IMMP2L: variants seen among roughly 807,000 people sequenced by gnomAD.
The protein encoded by IMMP2L is mitochondrial inner membrane protease subunit 2.
A neutral mutation model predicts 19.3 loss-of-function variants in IMMP2L; 18 were observed. The ratio of observed to expected loss-of-function variants is 0.93; its 90% CI spans 0.64 to 1.38. The LOEUF (loss-of-function observed/expected upper bound fraction) is 1.38, where lower values mean the gene tolerates loss of function less well. IMMP2L is among the 40% of genes most tolerant of loss of function. The pLI, the probability that IMMP2L is intolerant of heterozygous loss-of-function variation, is 0.00. For synonymous variants in IMMP2L, 76 were observed against 73.0 expected (o/e 1.04, Z -0.21); for missense variants, 233 against 218.2 (o/e 1.07, Z -0.43).
chr7:111,412,423 G>A (rs1425913087), intron 3 of IMMP2L, among the ~76,000 whole-genome samples: 1 of 151,718 alleles, frequency 6.6e-6, no homozygotes, highest in African/African-American at 2.4e-5. Flanking sequence ...TAAAAAAATG[G>A]ATTGAAATCA....
At chr7:111,347,481 C>T (rs1016013290) in intron 3 of IMMP2L, among the ~76,000 whole-genome samples, 13 of 152,002 alleles carry the variant, frequency 8.6e-5, no homozygotes, top group Non-Finnish European at 1.6e-4. Flanking sequence ...TACCCTAACT[C>T]CTGACCTGAC....
At chr7:111,116,971 G>A (rs907648934) in intron 3 of IMMP2L, among the ~76,000 whole-genome samples, 8 of 152,112 alleles carry the variant, frequency 5.3e-5, no homozygotes, top group Non-Finnish European at 1.0e-4. Context: ...TGCTCTAATC[G>A]AGGCAATTTA....
chr7:111,551,009 C>T (rs1430204957), intron 1 of IMMP2L, among the ~76,000 whole-genome samples: 2 of 152,088 alleles, frequency 1.3e-5, no homozygotes, highest in Admixed American at 1.3e-4. Context: ...TATTGGTTTA[C>T]ATAATGGGAA....
chr7:111,009,954 G>A (rs1824756443), intron 3 of IMMP2L, among the ~76,000 whole-genome samples: 1 of 152,064 alleles, frequency 6.6e-6, no homozygotes, highest in African/African-American at 2.4e-5. Context: ...ATTTACACAG[G>A]AAATTAAGAA....
chr7:110,746,771 A>G (rs1319132118), intron 5 of IMMP2L, among the ~76,000 whole-genome samples: 1 of 152,214 alleles, frequency 6.6e-6, no homozygotes, highest in Non-Finnish European at 1.5e-5. Flanking sequence ...AGGGAAATTT[A>G]TAGCACTAAA....
intron 3 of IMMP2L, among the ~76,000 whole-genome samples, chr7:111,227,855 A>T (rs560630585): frequency 7.2e-5 from 11 of 152,172 alleles, no homozygotes; most frequent in Non-Finnish European, 1.3e-4. Context: ...TTTAAAGTTA[A>T]TCCAGAGTGG....
At chr7:111,446,809 A>C (rs1838508060) in intron 3 of IMMP2L, among the ~76,000 whole-genome samples, 1 of 151,884 alleles carries the variant, frequency 6.6e-6, no homozygotes, top group Non-Finnish European at 1.5e-5. Context: ...AAAACTTTGA[A>C]AAAAATTTAG....
rs554325320 is a variant in IMMP2L, at chr7:110,891,353, T to C, written c.306-4658A>G. ...TCTCTTGAGAATCCACCTTCCGCTCTCAAGTGAAACTAAGGTTCGAATTCA... is the reference window on the plus strand; with the variant it reads ...TCTCTTGAGAATCCACCTTCCGCTCCCAAGTGAAACTAAGGTTCGAATTCA... On this transcript the variant is annotated intron_variant, in intron 4 of 5. Coordinates refer to ENST00000405709, the MANE Select transcript of IMMP2L (RefSeq NM_032549.4). 3.3e-5 allele frequency among the ~76,000 whole-genome samples: 5 copies of C among 152,306 alleles called. 1 individual carries two copies. The highest frequency in any genetic ancestry group is 7.4e-5 in the Non-Finnish European group (5 of 68,018).
chr7:111,052,760 A>G (rs768354648), intron 3 of IMMP2L, among the ~76,000 whole-genome samples: 1 of 152,146 alleles, frequency 6.6e-6, no homozygotes, highest in Admixed American at 6.6e-5. Context: ...GGTCACTAGT[A>G]TCAATAGTAA....
chr7:111,238,891 A>G (rs1814658462), intron 3 of IMMP2L, among the ~76,000 whole-genome samples: 1 of 151,954 alleles, frequency 6.6e-6, no homozygotes, highest in Non-Finnish European at 1.5e-5. Flanking sequence ...TAATTTTCAC[A>G]ACTGTAAGAC....
chr7:110,722,337 C>T (rs73714329), intron 5 of IMMP2L, among the ~76,000 whole-genome samples: 3,342 of 151,994 alleles, frequency 0.022, 121 homozygotes, highest in African/African-American at 0.076. Context: ...TTATCTCATT[C>T]AATTCTCGAA....
At chr7:111,263,785 T>A (rs926429833) in intron 3 of IMMP2L, among the ~76,000 whole-genome samples, 16 of 152,048 alleles carry the variant, frequency 1.1e-4, no homozygotes, top group Non-Finnish European at 1.5e-5. Flanking sequence ...CTAGGGAAAT[T>A]AGTGAAACAC....
intron 3 of IMMP2L, among the ~76,000 whole-genome samples, chr7:111,427,915 T>C (rs1348235723): frequency 6.6e-6 from 1 of 151,864 alleles, no homozygotes; most frequent in Non-Finnish European, 1.5e-5. Flanking sequence ...CACATTGGAC[T>C]TAAGATATAG....
At chr7:111,282,934 A>C (rs1053125699) in intron 3 of IMMP2L, among the ~76,000 whole-genome samples, 2 of 152,154 alleles carry the variant, frequency 1.3e-5, no homozygotes, top group Non-Finnish European at 2.9e-5. Flanking sequence ...CAGAAGATCA[A>C]CAAGGAAACA....
intron 5 of IMMP2L, among the ~76,000 whole-genome samples, chr7:110,730,319 G>C (rs1441425263): frequency 2.0e-5 from 3 of 152,068 alleles, no homozygotes; most frequent in Admixed American, 1.3e-4. Flanking sequence ...GAGCAGACTC[G>C]CTGAGTCTCC....
At chr7:110,828,766 A>G (rs1260722223) in intron 5 of IMMP2L, among the ~76,000 whole-genome samples, 2 of 152,194 alleles carry the variant, frequency 1.3e-5, no homozygotes, top group African/African-American at 4.8e-5. Flanking sequence ...GATTCTGAAG[A>G]TTTTGGTAAA....
intron 3 of IMMP2L, among the ~76,000 whole-genome samples, chr7:111,032,224 A>G (rs1423255447): frequency 2.6e-5 from 4 of 152,206 alleles, no homozygotes; most frequent in Non-Finnish European, 5.9e-5. Context: ...TACAGGCATG[A>G]GCCACCGCAT....
At chr7:111,020,290 A>G (rs1461148496) in intron 3 of IMMP2L, among the ~76,000 whole-genome samples, 3 of 152,038 alleles carry the variant, frequency 2.0e-5, no homozygotes, top group Admixed American at 1.3e-4. Context: ...AGGCTGAGAC[A>G]GAAGAATTGC....
At chr7:111,218,547 G>T (rs1349183292) in intron 3 of IMMP2L, among the ~76,000 whole-genome samples, 1 of 151,518 alleles carries the variant, frequency 6.6e-6, no homozygotes, top group East Asian at 1.9e-4. Context: ...GATCTTAAAA[G>T]AAATCACAGA....
Sources: gnomAD v4.1 joint callset for allele counts (sites outside exome capture counted in the v4.1 genomes callset) on GRCh38, gnomAD v4.1.1 for gene constraint, MANE v1.5 for transcripts, NCBI Gene and HGNC (gene_info 2026-07-23, HGNC 2026-07-21) for gene names.